Variants in RANBP9 observed in about 807,000 individuals in gnomAD.
RANBP9 encodes the protein ran-binding protein 9.
A neutral mutation model predicts 84.3 loss-of-function variants in RANBP9; 15 were observed. The observed-to-expected ratio is 0.18, with a 90% CI of 0.12 to 0.27. The LOEUF is 0.27. Among genes scored for constraint, RANBP9 ranks in the 10% least tolerant of loss-of-function variants. The pLI is 1.00. For synonymous variants in RANBP9, 392 were observed against 349.6 expected (o/e 1.12, Z -1.35); for missense variants, 809 against 912.8 (o/e 0.89, Z 1.46).
rs531590343 is a variant in RANBP9 at position 13,636,910 on chromosome 6, T to C, written c.1673+898A>G. 8.2e-4 allele frequency among the ~76,000 whole-genome samples: 125 copies of C among 152,282 alleles called. 1 individual carries two copies. The highest frequency in any genetic ancestry group is 1.3e-3 in the Non-Finnish European group (90 of 67,986). ...CTGCAAAATCATATTTCCATTAAGA[T>C]TCCATGCTAAAAGTTAGGCTCTCTC... is the stretch of plus-strand genomic sequence containing the variant. On this transcript the variant is annotated intron_variant, in intron 10 of 13. Transcript: ENST00000011619.
chr6:13,696,295 A>G (rs1757823920), intron 2 of RANBP9, among the ~76,000 whole-genome samples: 1 of 152,212 alleles, frequency 6.6e-6, no homozygotes, highest in Admixed American at 6.5e-5. Context: ...AGGCCCTACC[A>G]TGGAATTCTC....
At chr6:13,682,740 T>G (rs1395210320) in intron 2 of RANBP9, among the ~76,000 whole-genome samples, 6 of 152,220 alleles carry the variant, frequency 3.9e-5, no homozygotes, top group Non-Finnish European at 1.5e-5. Flanking sequence ...TTTGGCAATG[T>G]ATCAAGATAT....
chr6:13,675,166 G>T (rs1765860836), intron 2 of RANBP9, among the ~76,000 whole-genome samples: 1 of 152,144 alleles, frequency 6.6e-6, no homozygotes, highest in Admixed American at 6.5e-5. Flanking sequence ...CCATCAACTG[G>T]ATTTCATTGA....
At position 13,651,011 on chromosome 6, in the gene RANBP9, G is replaced by C. The variant is rs144430466; in HGVS notation, c.927+1648C>G. 3.8e-3 allele frequency among the ~76,000 whole-genome samples: 578 copies of C among 152,136 alleles called. 3 individuals carry two copies. Among genetic ancestry groups the C allele is most frequent in the African/African-American group, 0.014 (562 of 41,524 alleles). ...AAACTGATTTAAAAGGTTAGACTCTGAACATGAAATTTTAGGAATACCTTA... is the reference window on the plus strand; with the variant it reads ...AAACTGATTTAAAAGGTTAGACTCTCAACATGAAATTTTAGGAATACCTTA... On this transcript the variant is annotated intron_variant, in intron 5 of 13. Transcript: ENST00000011619.
At chr6:13,693,707 T>G (rs533804651) in intron 2 of RANBP9, among the ~76,000 whole-genome samples, 100 of 152,328 alleles carry the variant, frequency 6.6e-4, no homozygotes, top group African/African-American at 2.4e-3. Flanking sequence ...ACTTACTGTC[T>G]GGCTCAGGAG....
intron 4 of RANBP9, among the ~76,000 whole-genome samples, chr6:13,655,335 G>A (rs1426732625): frequency 6.6e-6 from 1 of 152,124 alleles, no homozygotes; most frequent in South Asian, 2.1e-4. Flanking sequence ...AGCTGGGGGT[G>A]ATGGCGTGCC....
chr6:13,628,269 A>C (rs1471281001), intron 12 of RANBP9, among the ~76,000 whole-genome samples: 1 of 152,202 alleles, frequency 6.6e-6, no homozygotes, highest in Non-Finnish European at 1.5e-5. Context: ...ACAGTTCAAC[A>C]TACAGCTGTC....
At chr6:13,699,872 AT>A (rs1242041623) in intron 1 of RANBP9, among the ~76,000 whole-genome samples, 1 of 152,224 alleles carries the variant, frequency 6.6e-6, no homozygotes, top group Non-Finnish European at 1.5e-5. Context: ...AAATAAAAAA[AT>A]AAAAAATCAA....
intron 3 of RANBP9, 67 bp downstream of exon 3, chr6:13,658,709 TCTTA>T (rs1765466092): frequency 8.1e-7 from 1 of 1,236,204 alleles, no homozygotes; most frequent in Admixed American, 1.9e-5. Context: ...TATTACAATT[TCTTA>T]CTTGAAAAAT....
chr6:13,656,386 A>G (rs1163042181), intron 4 of RANBP9, among the ~76,000 whole-genome samples: 1 of 147,274 alleles, frequency 6.8e-6, no homozygotes, highest in South Asian at 2.2e-4. Flanking sequence ...ATTATCCTTT[A>G]TATTTTCTAT....
chr6:13,706,996 ACT>A (rs1418477843), intron 1 of RANBP9, among the ~76,000 whole-genome samples: 1 of 120,198 alleles, frequency 8.3e-6, no homozygotes, highest in African/African-American at 3.4e-5. Context: ...ATAGAGCAAG[ACT>A]CTGTCTCAAA....
chr6:13,647,145 T>C (rs927967820), intron 5 of RANBP9, among the ~76,000 whole-genome samples: 17 of 152,148 alleles, frequency 1.1e-4, no homozygotes, highest in African/African-American at 4.1e-4. Flanking sequence ...ACCAAGTAAT[T>C]TCACTTGGAA....
rs141988558 is a variant in RANBP9, at chr6:13,682,577, C to T, written c.683+14208G>A. ...AAGCGATTCTCCAGCCTCAGCCTCC[C>T]GAGTCACTGGGATTACAGGCGCCCA... On this transcript the variant is annotated intron_variant, in intron 2 of 13. Transcript: ENST00000011619. Among the ~76,000 whole-genome samples the T allele has an allele frequency of 3.6e-4, 54 of 152,072 alleles. No homozygotes were observed. In the Middle Eastern group the frequency reaches 0.01, roughly 29 times the overall value.
rs1417167739 is a variant in RANBP9 at position 13,711,116 on chromosome 6, C to T, written c.390G>A (p.Ala130=). The stretch of plus-strand genomic sequence containing the variant: ...CCGAGTCCCCGTGAGGGAAGGGGGC[C>T]GCGGCGCTGCTGCCCGCCACCAGAG... ...TPALVAGSSA[A]APFPHGDSAL... Residue 130 remains alanine (A), a synonymous_variant, in exon 1 of 14, where the codon GCG becomes GCA. Coordinates refer to ENST00000011619, the MANE Select transcript of RANBP9 (RefSeq NM_005493.3). 1 of 1,551,418 alleles carries T rather than the reference C, an allele frequency of 6.4e-7. No individual in the cohort carries two copies. The highest frequency in any genetic ancestry group is 8.7e-7 in the Non-Finnish European group (1 of 1,149,256).
At chr6:13,670,623 C>T (rs536152404) in intron 2 of RANBP9, among the ~76,000 whole-genome samples, 5 of 151,902 alleles carry the variant, frequency 3.3e-5, no homozygotes, top group Non-Finnish European at 5.9e-5. Context: ...GGTGAAACCC[C>T]GTCTCTACCA....
chr6:13,692,667 C>G (rs1024070976), intron 2 of RANBP9, among the ~76,000 whole-genome samples: 1 of 151,000 alleles, frequency 6.6e-6, no homozygotes, highest in Non-Finnish European at 1.5e-5. Context: ...GCCTGGGCAA[C>G]AGGGTGAAAC....
At chr6:13,709,789 C>T (rs150503280) in intron 1 of RANBP9, among the ~76,000 whole-genome samples, 1 of 152,210 alleles carries the variant, frequency 6.6e-6, no homozygotes, top group East Asian at 1.9e-4. Context: ...ACTTATCAAG[C>T]TTCTTCTCAA....
intron 8 of RANBP9, 120 bp downstream of exon 8, chr6:13,641,079 G>T: frequency 1.8e-6 from 1 of 556,036 alleles, no homozygotes; most frequent in Non-Finnish European, 2.9e-6. Context: ...TTACAAAATT[G>T]TATATACTTG....
chr6:13,685,792 G>T (rs776068050), intron 2 of RANBP9, among the ~76,000 whole-genome samples: 5 of 151,884 alleles, frequency 3.3e-5, no homozygotes, highest in Non-Finnish European at 5.9e-5. Flanking sequence ...GCTGGGCGTG[G>T]TGGTGTGCGC....
Sources: allele counts gnomAD v4.1 joint callset (sites outside exome capture counted in the v4.1 genomes callset), GRCh38; gene constraint gnomAD v4.1.1; transcripts MANE v1.5; gene names NCBI Gene and HGNC (gene_info 2026-07-23, HGNC 2026-07-21).